The following DDX54 variants were observed in gnomAD, a reference collection of about 807,000 sequenced individuals.
DDX54 encodes ATP-dependent RNA helicase DDX54.
A neutral mutation model predicts 105.5 loss-of-function variants in DDX54; 67 were observed. The observed-to-expected ratio is 0.64, with a 90% confidence interval of 0.52 to 0.78. The LOEUF is 0.78. Among genes scored for constraint, DDX54 ranks in the 30% least tolerant of loss-of-function variants. DDX54 has a pLI of 0.00. For synonymous variants in DDX54, 514 were observed against 509.9 expected, an observed-to-expected ratio of 1.01 and a Z score of -0.11; for missense variants, 1,206 against 1,230.5, an observed-to-expected ratio of 0.98 and a Z score of 0.30.
chr12:113,179,109 C>G (rs752584814), intron 4 of DDX54, 34 bp downstream of exon 4: 6 of 1,613,236 alleles, frequency 3.7e-6, no homozygotes, highest in Non-Finnish European at 5.1e-6. Flanking sequence ...CAAGTCAGCC[C>G]TTGCCTCCAG....
At chr12:113,174,807 G>T (rs1376993711) in intron 9 of DDX54, 36 bp from the exon 10 acceptor site, 3 of 1,614,092 alleles carry the variant, frequency 1.9e-6, no homozygotes, top group Non-Finnish European at 2.5e-6. Flanking sequence ...GGCTTACGGG[G>T]TCCTGGCCCA....
Position 113,158,772 on chromosome 12 carries a change from GC to G in DDX54, c.*104del, listed in dbSNP as rs1466654681. 4 of 1,239,576 alleles carry G rather than the reference GC, an allele frequency of 3.2e-6. No individual in the cohort carries two copies. The highest frequency in any genetic ancestry group is 3.3e-6 in the Non-Finnish European group (3 of 904,810). 76.8% of individuals were successfully genotyped at this position (1,239,576 alleles called of 1,614,324 possible). On this transcript the variant is annotated 3_prime_UTR_variant, in exon 20 of 20. Coordinates refer to ENST00000306014, the MANE Select transcript of DDX54 (RefSeq NM_024072.4). This position sits in a 1 kb window ranked among gnomAD's most constrained non-coding sequence, Gnocchi z 4.9. ...ACAGATGATGGCTCCTGCAGGGAGT[GC>G]CCCCAGTGCCCAGCACAGGGCCAGG...
chr12:113,185,001 G>A (rs567210448), intron 1 of DDX54, among the ~76,000 whole-genome samples: 24 of 152,304 alleles, frequency 1.6e-4, no homozygotes, highest in Admixed American at 5.2e-4. Context: ...CGCCCCACGA[G>A]CAGGAGGCAG....
rs1433469453 is a variant in DDX54, at chr12:113,164,080, C to T, written c.1925G>A (p.Gly642Glu). Residue 642 changes from glycine (G) to glutamate (E), a missense_variant, in exon 15 of 20, where the codon GGA becomes GAA. This residue lies in a region of DDX54 where 961 missense variants were observed against 1,019.1 expected (regional missense o/e 0.94). Coordinates refer to ENST00000306014, the MANE Select transcript of DDX54 (RefSeq NM_024072.4). ...QPEKEEEEEA[G>E]ESVEDIFSEV... ...TGGAACCTGTACCTCCACACTCTCT[C>T]CCGCCTCCTCCTCCTCCTCCTTCTC... 5 of 1,549,276 alleles carry T rather than the reference C, an allele frequency of 3.2e-6. No individual in the cohort carries two copies. The highest frequency in any genetic ancestry group is 2.0e-5 in the Admixed American group (1 of 50,932).
Position 113,163,079 on chromosome 12 carries a change from G to A in DDX54, c.2082-34C>T. The A allele has an allele frequency of 6.2e-7, 1 of 1,609,672 alleles. No homozygotes were observed. Among genetic ancestry groups the A allele is most frequent in the Non-Finnish European group, 8.5e-7 (1 of 1,178,926 alleles). On this transcript the variant is annotated intron_variant, in intron 16 of 19. Coordinates refer to ENST00000306014, the MANE Select transcript of DDX54 (RefSeq NM_024072.4). The surrounding 1 kb of genome is among the most constrained non-coding windows in gnomAD (Gnocchi z 5.9). ...GGAGAGTGGGAGACATAATTGGATT[G>A]ATGGGACCCAGCGGACCCAACTGCC...
chr12:113,158,956 C>T lies in DDX54; in HGVS notation c.2567G>A (p.Arg856His), dbSNP rs746084777. ...GLKQLSARNRRRVQELQQGAF... is the reference protein window; with the variant it reads ...GLKQLSARNRHRVQELQQGAF... ...GCCCTGCTGCAGCTCCTGGACGCGGCGGCGGTTGCGGGCAGAGAGCTGCTT... is the reference window on the plus strand; with the variant it reads ...GCCCTGCTGCAGCTCCTGGACGCGGTGGCGGTTGCGGGCAGAGAGCTGCTT... The change falls in exon 20 of 20, where the codon CGC (arginine) becomes CAC (histidine). Residue 856 changes from arginine to histidine, a missense_variant. Physicochemically the swap from Arg to His is conservative, Grantham distance 29 (BLOSUM62 0). Coordinates refer to ENST00000306014, the MANE Select transcript of DDX54 (RefSeq NM_024072.4). The surrounding 1 kb of genome is among the most constrained non-coding windows in gnomAD (Gnocchi z 4.9). 12 of 1,610,930 alleles carry T rather than the reference C, an allele frequency of 7.4e-6. 1 individual carries two copies. The highest frequency in any genetic ancestry group is 5.5e-5 in the South Asian group (5 of 90,742).
At chr12:113,172,225 A>C (rs772214225) in intron 11 of DDX54, 128 bp downstream of exon 11, 1 of 1,038,364 alleles carries the variant, frequency 9.6e-7, no homozygotes, top group Non-Finnish European at 1.4e-6. Flanking sequence ...CAATATAGCG[A>C]GGCTCTGTCT....
In DDX54 at chr12:113,176,924, G is replaced by A. The variant is rs1367713975; in HGVS notation, c.668C>T (p.Thr223Met). The A allele has an allele frequency of 1.9e-6, 3 of 1,614,184 alleles. No homozygotes were observed. Among genetic ancestry groups the A allele is most frequent in the Non-Finnish European group, 8.5e-7 (1 of 1,180,034 alleles). Residue 223 changes from threonine (T) to methionine (M), a missense_variant, in exon 7 of 20, where the codon ACG becomes ATG. Physicochemically the swap from Thr to Met is moderately conservative, Grantham distance 81. Coordinates refer to ENST00000306014, the MANE Select transcript of DDX54 (RefSeq NM_024072.4). The stretch of plus-strand genomic sequence containing the variant: ...AGCCACATGCACCAACCGTCCGGGC[G>A]TGGCAATAATTCTGGAAGAGGGTGC... Reference protein sequence around the residue: ...LHENPDIIIATPGRLVHVAVE... With the variant: ...LHENPDIIIAMPGRLVHVAVE...
In DDX54 at chr12:113,170,667, T is replaced by C. The variant is rs139841957; in HGVS notation, c.1280-763A>G. 7.5e-3 allele frequency among the ~76,000 whole-genome samples: 1,138 copies of C among 152,170 alleles called. 11 individuals carry two copies. The highest frequency in any genetic ancestry group is 0.026 in the African/African-American group (1,060 of 41,480). Reference sequence around the variant, plus strand: ...GCTTGTCTGTGTAAATAAAGATTTATTGGAACACAGCCACACTCATTTGTT... The same window carrying C: ...GCTTGTCTGTGTAAATAAAGATTTACTGGAACACAGCCACACTCATTTGTT... On this transcript the variant is annotated intron_variant, in intron 11 of 19. Transcript: ENST00000306014.
At chr12:113,167,315 C>T (rs114840507) in intron 12 of DDX54, among the ~76,000 whole-genome samples, 4,339 of 152,018 alleles carry the variant, frequency 0.029, 122 homozygotes, top group African/African-American at 0.07. Flanking sequence ...AGGTCAAGGG[C>T]GCAGTGAGCT....
rs367654150 is a variant in DDX54 at position 113,161,257 on chromosome 12, C to T, written c.2413+13G>A. 6 of 1,606,564 alleles carry T rather than the reference C, an allele frequency of 3.7e-6. No individual in the cohort carries two copies. Among genetic ancestry groups the T allele is most frequent in the Non-Finnish European group, 5.1e-6 (6 of 1,175,274 alleles). ...CCTACCTGTGCACCCACACTCCCCA[C>T]CCTGGCTCTCACCTTGGCCACGGTC... is the stretch of plus-strand genomic sequence containing the variant. On this transcript the variant is annotated intron_variant, in intron 19 of 19. Coordinates refer to ENST00000306014, the MANE Select transcript of DDX54 (RefSeq NM_024072.4).
chr12:113,183,977 T>C (rs1165819107), intron 1 of DDX54, among the ~76,000 whole-genome samples: 2 of 152,070 alleles, frequency 1.3e-5, no homozygotes, highest in African/African-American at 4.8e-5. Flanking sequence ...GACAGAGTCT[T>C]GCTCTGTCAC....
At chr12:113,161,627 A>T in intron 18 of DDX54, 1 of 472,254 alleles carries the variant, frequency 2.1e-6, no homozygotes, top group Non-Finnish European at 3.7e-6. Context: ...CCCCCAGCAC[A>T]GGCCCCACTT....
At chr12:113,172,312 G>A (rs770481791) in intron 11 of DDX54, 41 bp downstream of exon 11, 5 of 1,593,568 alleles carry the variant, frequency 3.1e-6, no homozygotes, top group Admixed American at 1.8e-5. Context: ...GCCAGGATCC[G>A]GCACCCCTGC....
At chr12:113,161,423 A>G in intron 18 of DDX54, 41 bp from the exon 19 acceptor site, 9 of 1,528,726 alleles carry the variant, frequency 5.9e-6, no homozygotes, top group Non-Finnish European at 8.1e-6. Context: ...AGCCCCTGGG[A>G]TGGGAGAAGG....
intron 12 of DDX54, among the ~76,000 whole-genome samples, chr12:113,166,553 T>C (rs1952278739): frequency 6.6e-6 from 1 of 151,896 alleles, no homozygotes; most frequent in Non-Finnish European, 1.5e-5. Context: ...ATTTTAAAAT[T>C]AGCCGGGCAT....
At chr12:113,171,473 G>A (rs1397601978) in intron 11 of DDX54, among the ~76,000 whole-genome samples, 3 of 151,752 alleles carry the variant, frequency 2.0e-5, no homozygotes, top group African/African-American at 7.3e-5. Context: ...GCCTGGTGGC[G>A]AGCACCTGTA....
chr12:113,174,459 C>G (rs908215372), intron 10 of DDX54, among the ~76,000 whole-genome samples, 181 bp downstream of exon 10: 1 of 152,128 alleles, frequency 6.6e-6, no homozygotes, highest in South Asian at 2.1e-4. Context: ...TGCACTCTAG[C>G]CTGGATGGCA....
intron 12 of DDX54, among the ~76,000 whole-genome samples, chr12:113,167,477 C>T (rs1162234688): frequency 6.6e-6 from 1 of 152,194 alleles, no homozygotes; most frequent in African/African-American, 2.4e-5. Flanking sequence ...CATCACCCAG[C>T]GTTAATTACC....
Sources: allele counts gnomAD v4.1 joint callset (sites outside exome capture counted in the v4.1 genomes callset), GRCh38; gene constraint gnomAD v4.1.1; regional missense constraint gnomAD v4.1.1; non-coding constraint Gnocchi (gnomAD v3.1); transcripts MANE v1.5; gene names NCBI Gene and HGNC (gene_info 2026-07-23, HGNC 2026-07-21).